The following CCDC157 variants were observed in gnomAD, a reference collection of about 807,000 sequenced individuals.
CCDC157 encodes the protein coiled-coil domain-containing protein 157.
A neutral mutation model predicts 70.9 loss-of-function variants in CCDC157; 60 were observed. The observed-to-expected ratio is 0.85, with a 90% CI of 0.69 to 1.05. CCDC157 has a LOEUF of 1.05. Ranked by LOEUF, CCDC157 falls within the 50% of genes least tolerant of loss-of-function variation. The pLI is 0.00. For missense variants in CCDC157, 943 were observed against 984.2 expected, an observed-to-expected ratio of 0.96 and a Z score of 0.56; for synonymous variants, 373 against 422.4, an observed-to-expected ratio of 0.88 and a Z score of 1.43.
intron 1 of CCDC157, among the ~76,000 whole-genome samples, chr22:30,360,426 A>G (rs1057297568): frequency 2.0e-5 from 3 of 151,582 alleles, no homozygotes; most frequent in Non-Finnish European, 4.4e-5. Flanking sequence ...AATGGCGTGA[A>G]CCCAGGAGGC....
rs542248588 is a variant in CCDC157 at position 30,372,346 on chromosome 22, C to A, written c.1335+60C>A. ...CAATGTAGGCTGCAGGGAAAGAGGGCTCCACTGTCAGGGAATGGGGGATCA... is the reference window on the plus strand; with the variant it reads ...CAATGTAGGCTGCAGGGAAAGAGGGATCCACTGTCAGGGAATGGGGGATCA... On this transcript the variant is annotated intron_variant, in intron 7 of 11. Coordinates refer to ENST00000338306, the MANE Select transcript of CCDC157 (RefSeq NM_001017437.5). The A allele has an allele frequency of 2.1e-3, 3,043 of 1,452,672 alleles. 7 individuals are homozygous for A. Among genetic ancestry groups the A allele is most frequent in the Non-Finnish European group, 2.5e-3 (2,777 of 1,105,140 alleles). 90.0% of individuals were successfully genotyped at this position (1,452,672 alleles called of 1,614,324 possible).
rs1933445717 is a variant in CCDC157 at position 30,378,032 on chromosome 22, C to T, written c.*1287C>T. The T allele has an allele frequency of 2.2e-6, 1 of 453,180 alleles. No homozygotes were observed. The highest frequency in any genetic ancestry group is 4.6e-6 in the Non-Finnish European group (1 of 217,742). 28.1% of individuals were successfully genotyped at this position (453,180 alleles called of 1,614,324 possible). Reference sequence around the variant, plus strand: ...CTCCACTTGTTGGCAGAATTCCGATCCTTGCGGCTGTGGGACTGAGGTCCC... The same window carrying T: ...CTCCACTTGTTGGCAGAATTCCGATTCTTGCGGCTGTGGGACTGAGGTCCC... On this transcript the variant is annotated 3_prime_UTR_variant, in exon 12 of 12. Transcript: ENST00000338306.
chr22:30,375,736 C>T (rs528088383), intron 10 of CCDC157, 73 bp downstream of exon 10: 1 of 1,379,588 alleles, frequency 7.2e-7, no homozygotes, highest in South Asian at 1.4e-5. Context: ...CAGACTCTGC[C>T]CCGGGAACTT....
chr22:30,374,954 CTTTTTTTTTTT>C (rs10611353), intron 9 of CCDC157: 7 of 240,502 alleles, frequency 2.9e-5, no homozygotes, highest in Admixed American at 1.3e-4. Flanking sequence ...TTTGCTAAGT[CTTTTTTTTTTT>C]TTTTTTTTTT....
chr22:30,376,352 G>C lies in CCDC157; in HGVS notation c.1946+5G>C, dbSNP rs764769903. The C allele has an allele frequency of 1.2e-6, 2 of 1,613,846 alleles. No homozygotes were observed. Among genetic ancestry groups the C allele is most frequent in the Admixed American group, 3.3e-5 (2 of 59,980 alleles). On this transcript the variant is annotated splice_donor_5th_base_variant and intron_variant, in intron 11 of 11. Transcript: ENST00000338306. ...GGCCAAGAGCACATCCCCAGGGTGA[G>C]TGAGGCTTTACTGGAGGTGGGGCAG...
chr22:30,375,335 G>A, intron 9 of CCDC157, 144 bp from the exon 10 acceptor site: 1 of 697,982 alleles, frequency 1.4e-6, no homozygotes, highest in Admixed American at 2.8e-5. Flanking sequence ...CCTGCAGGTT[G>A]GGGGACAGGG....
chr22:30,366,099 G>A lies in CCDC157; in HGVS notation c.99G>A (p.Gly33=). The part of the protein sequence containing the change: ...GAIVDVFSRA[G]PVRFPSWKFP... Reference sequence around the variant, plus strand: ...TCGTAGACGTCTTCTCCCGCGCCGGGCCTGTGCGCTTCCCCTCCTGGAAGT... The same window carrying A: ...TCGTAGACGTCTTCTCCCGCGCCGGACCTGTGCGCTTCCCCTCCTGGAAGT... Residue 33 remains glycine, a synonymous_variant, in exon 3 of 12, where the codon GGG becomes GGA. Transcript: ENST00000338306. The A allele has an allele frequency of 6.2e-7, 1 of 1,612,516 alleles. No homozygotes were observed.
intron 3 of CCDC157, chr22:30,366,573 T>C (rs1482700775): frequency 1.0e-5 from 4 of 401,118 alleles, no homozygotes; most frequent in Non-Finnish European, 2.0e-5. Flanking sequence ...TCAGGGTTTC[T>C]ATGTTGGGGA....
chr22:30,375,466 CCAT>C lies in CCDC157; in HGVS notation c.1673-12_1673-10del. On this transcript the variant is annotated splice_polypyrimidine_tract_variant and intron_variant, in intron 9 of 11. Coordinates refer to ENST00000338306, the MANE Select transcript of CCDC157 (RefSeq NM_001017437.5). The stretch of plus-strand genomic sequence containing the variant: ...TGTGCCTCCCTTCTAAGGTCCTGTC[CCAT>C]TGGGCACAGGAGGCAGATCCAGCAG... 1 of 1,613,846 alleles carries C rather than the reference CCAT, an allele frequency of 6.2e-7. No individual in the cohort carries two copies. The highest frequency in any genetic ancestry group is 8.5e-7 in the Non-Finnish European group (1 of 1,179,872).
rs748490536 is a variant in CCDC157 at position 30,375,614 on chromosome 22, A to G, written c.1808A>G (p.Gln603Arg). ...CTACAGGAGGAGAACGGGCGGCTCC[A>G]ATCAATGCTGTCCAAAATCCGGGAA... Reference protein sequence around the residue: ...RVLQEENGRLQSMLSKIREVA... With the variant: ...RVLQEENGRLRSMLSKIREVA... Residue 603 changes from glutamine (Q) to arginine (R), a missense_variant, in exon 10 of 12, where the codon CAA becomes CGA. By Grantham distance (43) the Gln-to-Arg change is conservative. Transcript: ENST00000338306. 6.2e-7 allele frequency: 1 copy of G among 1,614,026 alleles called. No individual in the cohort carries two copies. Among genetic ancestry groups the G allele is most frequent in the African/African-American group, 1.3e-5 (1 of 74,940 alleles).
chr22:30,377,131 G>T lies in CCDC157; in HGVS notation c.*386G>T. 1 of 256,734 alleles carries T rather than the reference G, an allele frequency of 3.9e-6. No individual in the cohort carries two copies. Among genetic ancestry groups the T allele is most frequent in the East Asian group, 8.1e-5 (1 of 12,328 alleles). The allele number at this position is 256,734 out of a possible 1,614,324, so 15.9% of individuals were successfully genotyped here. A position where few individuals can be genotyped will look rare whatever the true frequency, so the allele number is the denominator to read the frequency against. On this transcript the variant is annotated 3_prime_UTR_variant, in exon 12 of 12. Transcript: ENST00000338306. ...CCCGCACTGACTCAGGAAGGGGTCA[G>T]GTGGGAGTGGACAGAGGAAGGGCCG...
At chr22:30,369,631 G>GTCAGCC in intron 4 of CCDC157, 28 bp downstream of exon 4, 1 of 1,470,958 alleles carries the variant, frequency 6.8e-7, no homozygotes, top group Non-Finnish European at 9.0e-7. Context: ...TCTCAGGTGG[G>GTCAGCC]TCAGCCTCAG....
At position 30,371,575 on chromosome 22, in the gene CCDC157, G is replaced by A. The variant is rs368800402; in HGVS notation, c.1046-75G>A. ...AGGCGATGGGCTGCCTCCACTCCACGGGGCACACTGGGCATGAAGGCCGCC... is the reference window on the plus strand; with the variant it reads ...AGGCGATGGGCTGCCTCCACTCCACAGGGCACACTGGGCATGAAGGCCGCC... On this transcript the variant is annotated intron_variant, in intron 5 of 11. Transcript: ENST00000338306. The A allele has an allele frequency of 1.4e-4, 180 of 1,242,918 alleles. No individual in the cohort carries two copies. In the East Asian group the frequency reaches 1.7e-3, roughly 12 times the overall value. 77.0% of individuals were successfully genotyped at this position (1,242,918 alleles called of 1,614,324 possible).
chr22:30,363,925 G>A (rs1017834195), intron 2 of CCDC157, among the ~76,000 whole-genome samples: 12 of 152,078 alleles, frequency 7.9e-5, no homozygotes, highest in South Asian at 6.2e-4. Context: ...CAGGTGATCC[G>A]CCCGCCTCGG....
At chr22:30,364,934 T>G (rs1004670759) in intron 2 of CCDC157, among the ~76,000 whole-genome samples, 2 of 152,224 alleles carry the variant, frequency 1.3e-5, no homozygotes, top group Non-Finnish European at 2.9e-5. Context: ...TCAAGTGCAT[T>G]TTAAATTTTC....
intron 2 of CCDC157, among the ~76,000 whole-genome samples, chr22:30,363,811 C>A (rs56186404): frequency 0.087 from 13,157 of 151,748 alleles, 640 homozygotes; most frequent in African/African-American, 0.11. Flanking sequence ...TCTCAGCCTC[C>A]CAAGTATCTG....
At chr22:30,375,706 C>T in intron 10 of CCDC157, 43 bp downstream of exon 10, 1 of 1,544,676 alleles carries the variant, frequency 6.5e-7, no homozygotes, top group Non-Finnish European at 8.7e-7. Flanking sequence ...GGAGGAAGCC[C>T]CTATCCAGCA....
At chr22:30,368,808 A>G (rs1364722515) in intron 3 of CCDC157, 1 of 152,256 alleles carries the variant, frequency 6.6e-6, no homozygotes, top group African/African-American at 2.4e-5. Context: ...CTTGGTTCCC[A>G]TGCAAATGCA....
In CCDC157 at chr22:30,371,620, T is replaced by G. The variant is rs749011319; in HGVS notation, c.1046-30T>G. 3 of 1,593,618 alleles carry G rather than the reference T, an allele frequency of 1.9e-6. No individual in the cohort carries two copies. In the East Asian group the frequency reaches 6.7e-5, roughly 36 times the overall value. ...GCCGCCGGCCAGGTCCATGGGACCC[T>G]CTGAAGGGCCTCTCTCTTGGCTGCC... On this transcript the variant is annotated intron_variant, in intron 5 of 11. Coordinates refer to ENST00000338306, the MANE Select transcript of CCDC157 (RefSeq NM_001017437.5).
Sources: gnomAD v4.1 joint callset for allele counts (sites outside exome capture counted in the v4.1 genomes callset) on GRCh38, gnomAD v4.1.1 for gene constraint, MANE v1.5 for transcripts, NCBI Gene and HGNC (gene_info 2026-07-23, HGNC 2026-07-21) for gene names.